Variants in UGT1A6 observed in about 807,000 individuals in gnomAD.
The protein encoded by UGT1A6 is UDP-glucuronosyltransferase 1A6.
Under a neutral mutation model 44.4 loss-of-function variants are expected in UGT1A6, and 32 were observed. The observed-to-expected ratio is 0.72, with a 90% confidence interval of 0.54 to 0.97. The LOEUF (loss-of-function observed/expected upper bound fraction) is 0.97, where lower values mean the gene tolerates loss of function less well. Among genes scored for constraint, UGT1A6 ranks in the 50% least tolerant of loss-of-function variants. The pLI is 0.00. For synonymous variants in UGT1A6, 238 were observed against 248.5 expected (o/e 0.96, Z 0.40); for missense variants, 685 against 661.9 (o/e 1.03, Z -0.38).
chr2:233,741,211 A>G (rs764528916), intron 1 of UGT1A6, among the ~76,000 whole-genome samples: 2 of 151,912 alleles, frequency 1.3e-5, no homozygotes, highest in African/African-American at 2.4e-5. Flanking sequence ...AACTAGCCAG[A>G]GTTGTTACAG....
chr2:233,714,390 A>T (rs994854711), intron 1 of UGT1A6, among the ~76,000 whole-genome samples: 2 of 152,218 alleles, frequency 1.3e-5, no homozygotes, highest in Non-Finnish European at 2.9e-5. Context: ...AATTGGGCCA[A>T]TGTAGGTGCA....
At chr2:233,754,678 C>A (rs1419838969) in intron 1 of UGT1A6, 1 of 475,568 alleles carries the variant, frequency 2.1e-6, no homozygotes, top group Non-Finnish European at 4.1e-6. Context: ...TTTTTACCAT[C>A]AACTATTTCA....
intron 1 of UGT1A6, chr2:233,747,494 G>A (rs1693698047): frequency 1.2e-6 from 2 of 1,608,660 alleles, no homozygotes; most frequent in Non-Finnish European, 1.7e-6. Flanking sequence ...GCCTTGTGCT[G>A]GGCCACACTC....
In UGT1A6 at chr2:233,746,430, T is replaced by C. The variant is rs141272199; in HGVS notation, c.862-20604T>C. On this transcript the variant is annotated intron_variant, in intron 1 of 4. Transcript: ENST00000305139. ...TCCAATGGTGACCTATTAACTTATG[T>C]CTTCAGCTTAAAAAGAAAGTACCTT... Among the ~76,000 whole-genome samples, 254 of 151,800 alleles carry C rather than the reference T, an allele frequency of 1.7e-3. 1 individual carries two copies. The highest frequency in any genetic ancestry group is 3.4e-3 in the Middle Eastern group (1 of 292).
intron 1 of UGT1A6, among the ~76,000 whole-genome samples, chr2:233,700,136 T>A (rs2075545900): frequency 1.3e-5 from 2 of 152,152 alleles, no homozygotes; most frequent in Admixed American, 1.3e-4. Flanking sequence ...TCTGAGCTGT[T>A]TGTCTCCCTA....
At chr2:233,719,051 G>T in intron 1 of UGT1A6, 1 of 1,614,262 alleles carries the variant, frequency 6.2e-7, no homozygotes, top group Non-Finnish European at 8.5e-7. Context: ...TTTTCACCCT[G>T]ACAGCCTATG....
intron 1 of UGT1A6, chr2:233,713,639 C>T (rs772966162): frequency 3.1e-6 from 5 of 1,613,978 alleles, no homozygotes; most frequent in South Asian, 1.1e-5. Context: ...ACATGCTCTA[C>T]CCTCTGGCCC....
intron 1 of UGT1A6, among the ~76,000 whole-genome samples, chr2:233,752,887 C>T (rs1345633016): frequency 1.1e-4 from 17 of 152,134 alleles, no homozygotes; most frequent in Admixed American, 1.1e-3. Flanking sequence ...TAAAACTAGC[C>T]AGCGTTGTTA....
rs199723856 is a variant in UGT1A6, at chr2:233,772,452, G to C, written c.1492G>C (p.Val498Leu). Residue 498 changes from valine (V) to leucine (L), a missense_variant, in exon 5 of 5, where the codon GTG (valine) becomes CTG (leucine). By Grantham distance (32) the Val-to-Leu change is conservative. Coordinates refer to ENST00000305139, the MANE Select transcript of UGT1A6 (RefSeq NM_001072.4). ...LDVIGFLLAV[V>L]LTVAFITFKC... Reference sequence around the variant, plus strand: ...CGTGATTGGTTTCCTCTTGGCCGTCGTGCTGACAGTGGCCTTCATCACCTT... The same window carrying C: ...CGTGATTGGTTTCCTCTTGGCCGTCCTGCTGACAGTGGCCTTCATCACCTT... 6.2e-7 allele frequency: 1 copy of C among 1,614,176 alleles called. No homozygotes were observed. Among genetic ancestry groups the C allele is most frequent in the Non-Finnish European group, 8.5e-7 (1 of 1,180,044 alleles).
chr2:233,722,194 C>T (rs1259255886), intron 1 of UGT1A6: 3 of 157,146 alleles, frequency 1.9e-5, no homozygotes, highest in African/African-American at 4.8e-5. Flanking sequence ...TGCCAATTTA[C>T]TGAGTGCATG....
In UGT1A6 at chr2:233,754,158, G is replaced by A. The variant is rs28900389; in HGVS notation, c.862-12876G>A. 9.6e-3 allele frequency: 1,492 copies of A among 156,116 alleles called. 22 individuals carry two copies. The highest frequency in any genetic ancestry group is 0.034 in the African/African-American group (1,420 of 41,562). 9.7% of individuals were successfully genotyped at this position (156,116 alleles called of 1,614,324 possible). A position where few individuals can be genotyped will look rare whatever the true frequency, so the allele number is the denominator to read the frequency against. On this transcript the variant is annotated intron_variant, in intron 1 of 4. Transcript: ENST00000305139. The stretch of plus-strand genomic sequence containing the variant: ...AAAGCCATCATTAAATTAAGCCAGA[G>A]TATTAATATATTCATAGATTTCACC...
chr2:233,754,674 C>G (rs1158611461), intron 1 of UGT1A6: 5 of 470,208 alleles, frequency 1.1e-5, no homozygotes. Context: ...GATTTTTTTA[C>G]CATCAACTAT....
At chr2:233,740,478 C>T (rs1295883834) in intron 1 of UGT1A6, among the ~76,000 whole-genome samples, 1 of 151,898 alleles carries the variant, frequency 6.6e-6, no homozygotes, top group African/African-American at 2.4e-5. Flanking sequence ...AAGGATCATT[C>T]CCTCTTCCAG....
rs376650980 is a variant in UGT1A6, at chr2:233,751,304, T to C, written c.862-15730T>C. ...TTCTCCCATTTGGAATGGGAATATTTACCCAATTTCTGTACCCCCATTGTG... is the reference window on the plus strand; with the variant it reads ...TTCTCCCATTTGGAATGGGAATATTCACCCAATTTCTGTACCCCCATTGTG... On this transcript the variant is annotated intron_variant, in intron 1 of 4. Transcript: ENST00000305139. Among the ~76,000 whole-genome samples, 29 of 152,116 alleles carry C rather than the reference T, an allele frequency of 1.9e-4. No individual in the cohort carries two copies. The South Asian group carries it at 2.7e-3, about 14-fold the overall frequency.
intron 1 of UGT1A6, chr2:233,718,007 C>T (rs2076621733): frequency 2.5e-6 from 1 of 406,536 alleles, no homozygotes; most frequent in Admixed American, 2.7e-5. Context: ...GATCTGAGGC[C>T]AGGCTCCAGC....
At chr2:233,760,673 A>T (rs1191873899) in intron 1 of UGT1A6, 3 of 1,614,096 alleles carry the variant, frequency 1.9e-6, no homozygotes, top group East Asian at 2.2e-5. Flanking sequence ...GGCTGTTCCC[A>T]CTTACTGCAC....
chr2:233,743,812 G>C (rs1692526779), intron 1 of UGT1A6: 1 of 1,367,182 alleles, frequency 7.3e-7, no homozygotes, highest in African/African-American at 1.5e-5. Flanking sequence ...TGTTCTCAGG[G>C]TTTTTGTCGG....
chr2:233,766,304 C>T (rs1472747158), intron 1 of UGT1A6, among the ~76,000 whole-genome samples: 4 of 151,950 alleles, frequency 2.6e-5, no homozygotes, highest in Non-Finnish European at 4.4e-5. Context: ...GGCTCTCCTC[C>T]GACTGCCTCA....
chr2:233,741,489 A>G (rs1390991788), intron 1 of UGT1A6: 2 of 151,928 alleles, frequency 1.3e-5, no homozygotes, highest in African/African-American at 4.9e-5. Flanking sequence ...TCTGATGTAC[A>G]AAAAACTGAA....
Sources: allele counts gnomAD v4.1 joint callset (sites outside exome capture counted in the v4.1 genomes callset), GRCh38; gene constraint gnomAD v4.1.1; transcripts MANE v1.5; gene names NCBI Gene and HGNC (gene_info 2026-07-23, HGNC 2026-07-21).